Variants in ZAR1L observed in about 807,000 individuals in gnomAD.
The protein encoded by ZAR1L is protein ZAR1-like.
A neutral mutation model predicts 30.0 loss-of-function variants in ZAR1L; 16 were observed. The ratio of observed to expected loss-of-function variants is 0.53; its 90% confidence interval spans 0.36 to 0.81. ZAR1L has a LOEUF of 0.81. ZAR1L is among the 30% of genes least tolerant of loss of function. The pLI is 0.00. For synonymous variants in ZAR1L, 197 were observed against 166.8 expected (o/e 1.18, Z -1.40); for missense variants, 392 against 417.2 (o/e 0.94, Z 0.53).
intron 3 of ZAR1L, among the ~76,000 whole-genome samples, 171 bp from the exon 4 acceptor site, chr13:32,310,902 G>C (rs1254740672): frequency 6.6e-6 from 1 of 152,120 alleles, no homozygotes; most frequent in Non-Finnish European, 1.5e-5. Flanking sequence ...ATTACTCTGG[G>C]ATTCTTCTTG....
chr13:32,310,345 C>A (rs1400497334), intron 4 of ZAR1L, among the ~76,000 whole-genome samples: 21 of 152,226 alleles, frequency 1.4e-4, no homozygotes, highest in African/African-American at 4.8e-4. Context: ...CTGTTCCAAG[C>A]ATACCAACTA....
rs1593873398 is a variant in ZAR1L, at chr13:32,306,855, C to T, written c.822+1831G>A. On this transcript the variant is annotated intron_variant, in intron 5 of 5. Transcript: ENST00000533490. ...CTGAGGCAGGAGAATCACTTGAATC[C>T]AGGAGGTGGAGATTGCAGTGAGCCA... is the stretch of plus-strand genomic sequence containing the variant. Among the ~76,000 whole-genome samples the T allele has an allele frequency of 2.2e-5, 3 of 136,268 alleles. 1 individual carries two copies. The highest frequency in any genetic ancestry group is 8.4e-5 in the African/African-American group (3 of 35,816). 89.4% of individuals were successfully genotyped at this position (136,268 alleles called of 152,430 possible).
At chr13:32,308,558 T>C (rs987815293) in intron 5 of ZAR1L, 128 bp downstream of exon 5, 2 of 655,896 alleles carry the variant, frequency 3.0e-6, no homozygotes, top group Admixed American at 3.0e-5. Context: ...TGTTCTAAAA[T>C]GTAACATCTC....
chr13:32,304,848 G>T (rs554028327), intron 5 of ZAR1L, among the ~76,000 whole-genome samples: 2 of 140,028 alleles, frequency 1.4e-5, no homozygotes, highest in Non-Finnish European at 1.5e-5. Flanking sequence ...TCGCTCTGTC[G>T]CCCAGTCTGG....
intron 2 of ZAR1L, among the ~76,000 whole-genome samples, chr13:32,312,880 T>TCAAA (rs564744457): frequency 3.9e-4 from 59 of 151,906 alleles, no homozygotes; most frequent in East Asian, 1.8e-3. Context: ...AGACTCCGTC[T>TCAAA]CAAACAAACA....
At chr13:32,305,899 T>TCAAAAATAACCTCACAAAA (rs2072171198) in intron 5 of ZAR1L, among the ~76,000 whole-genome samples, 1 of 152,190 alleles carries the variant, frequency 6.6e-6, no homozygotes, top group Non-Finnish European at 1.5e-5. Context: ...CCAGGTACTG[T>TCAAAAATAACCTCACAAAA]ATGTGAGGAA....
At chr13:32,308,794 T>A in intron 4 of ZAR1L, 34 bp from the exon 5 acceptor site, 1 of 1,412,132 alleles carries the variant, frequency 7.1e-7, no homozygotes, top group East Asian at 2.5e-5. Flanking sequence ...TAATACAAGC[T>A]TTTATACACA....
rs959605740 is a variant in ZAR1L, at chr13:32,308,710, A to G, written c.798T>C (p.Tyr266=). The G allele has an allele frequency of 6.4e-7, 1 of 1,551,116 alleles. No homozygotes were observed. Among genetic ancestry groups the G allele is most frequent in the Non-Finnish European group, 8.7e-7 (1 of 1,146,756 alleles). ...CCTGACATTGGATTGCTTCTACTCG[A>G]TAAGGGTTAAAACTCTTTTGGCATT... ...CCKCQKSFNP[Y]RVEAIQCQTC... Residue 266 remains tyrosine (Y), a synonymous_variant, in exon 5 of 6, where the codon TAT becomes TAC. Coordinates refer to ENST00000533490, the MANE Select transcript of ZAR1L (RefSeq NM_001136571.2).
Position 32,310,559 on chromosome 13 carries a change from T to C in ZAR1L, c.747+80A>G, listed in dbSNP as rs557354381. ...CAAGACAGGACTATGACAGCCATGC[T>C]CCCTCAGGAATCAGATTCTTCCCCG... On this transcript the variant is annotated intron_variant, in intron 4 of 5. Transcript: ENST00000533490. 34 of 957,520 alleles carry C rather than the reference T, an allele frequency of 3.6e-5. No individual in the cohort carries two copies. The African/African-American group carries it at 5.1e-4, about 14-fold the overall frequency. 59.3% of individuals were successfully genotyped at this position (957,520 alleles called of 1,614,324 possible).
chr13:32,305,152 C>G (rs1043076106), intron 5 of ZAR1L, among the ~76,000 whole-genome samples: 1 of 151,942 alleles, frequency 6.6e-6, no homozygotes, highest in Admixed American at 6.6e-5. Context: ...CATTTTTATT[C>G]TGCTAAATGC....
intron 3 of ZAR1L, 149 bp downstream of exon 3, chr13:32,311,123 C>A: frequency 9.9e-7 from 1 of 1,007,266 alleles, no homozygotes; most frequent in East Asian, 2.6e-5. Context: ...ATACAGGCCA[C>A]GTGATATACA....
chr13:32,308,757 A>C lies in ZAR1L; in HGVS notation c.751T>G (p.Tyr251Asp). Residue 251 changes from tyrosine (Y) to aspartate (D), a missense_variant, in exon 5 of 6, where the codon TAT becomes GAT. Coordinates refer to ENST00000533490, the MANE Select transcript of ZAR1L (RefSeq NM_001136571.2). ...VWCISGTNKV[Y>D]FKQLCCKCQK... is the part of the protein sequence containing the mutation. The stretch of plus-strand genomic sequence containing the variant: ...CATTTACAACAGAGTTGTTTGAAAT[A>C]AACCTAAAGAGAAATATGTTTTTTT... 6.5e-7 allele frequency: 1 copy of C among 1,544,036 alleles called. No individual in the cohort carries two copies. Among genetic ancestry groups the C allele is most frequent in the Non-Finnish European group, 8.7e-7 (1 of 1,142,906 alleles).
chr13:32,307,804 A>G (rs1170332078), intron 5 of ZAR1L, among the ~76,000 whole-genome samples: 1 of 151,956 alleles, frequency 6.6e-6, no homozygotes, highest in East Asian at 1.9e-4. Context: ...CAATTAATTT[A>G]TTAATTAATT....
chr13:32,307,557 T>A (rs1286225152), intron 5 of ZAR1L, among the ~76,000 whole-genome samples: 1 of 103,238 alleles, frequency 9.7e-6, no homozygotes, highest in African/African-American at 3.9e-5. Context: ...CTTTGACAAG[T>A]CAGACAGTCA....
At chr13:32,308,653 C>T in intron 5 of ZAR1L, 33 bp downstream of exon 5, 2 of 1,492,686 alleles carry the variant, frequency 1.3e-6, no homozygotes, top group Non-Finnish European at 1.8e-6. Flanking sequence ...AGTAATGAAA[C>T]ATAGACACAA....
chr13:32,306,272 G>T (rs2072174086), intron 5 of ZAR1L, among the ~76,000 whole-genome samples: 1 of 152,142 alleles, frequency 6.6e-6, no homozygotes, highest in Non-Finnish European at 1.5e-5. Flanking sequence ...TGGTGCAAAG[G>T]TCTAGTATGA....
chr13:32,310,062 A>C (rs1356725333), intron 4 of ZAR1L, among the ~76,000 whole-genome samples: 1 of 152,274 alleles, frequency 6.6e-6, no homozygotes, highest in Non-Finnish European at 1.5e-5. Flanking sequence ...AAGGAAAAGA[A>C]GAGGAAGCCT....
chr13:32,313,092 G>C (rs568892294), intron 2 of ZAR1L, among the ~76,000 whole-genome samples: 1 of 152,298 alleles, frequency 6.6e-6, no homozygotes, highest in African/African-American at 2.4e-5. Flanking sequence ...GAGAGAGACT[G>C]GTCAGAGCCT....
rs555378716 is a variant in ZAR1L at position 32,311,285 on chromosome 13, C to T, written c.641G>A (p.Arg214Lys). 15 of 1,549,374 alleles carry T rather than the reference C, an allele frequency of 9.7e-6. No homozygotes were observed. The South Asian group carries it at 1.8e-4, about 18-fold the overall frequency. The change falls in exon 3 of 6, where the codon AGG (arginine) becomes AAG (lysine). Residue 214 changes from arginine to lysine, a missense_variant. Physicochemically the swap from Arg to Lys is conservative, Grantham distance 26. Transcript: ENST00000533490. ...PGDAASEPLR[R>K]PNFQFLEPKY... Reference sequence around the variant, plus strand: ...GAGAGGATCTACCTGGAAGTTGGGCCTCCGGAGCGGCTCGGAGGCGGCGTC... The same window carrying T: ...GAGAGGATCTACCTGGAAGTTGGGCTTCCGGAGCGGCTCGGAGGCGGCGTC...
Sources: allele counts gnomAD v4.1 joint callset (sites outside exome capture counted in the v4.1 genomes callset), GRCh38; gene constraint gnomAD v4.1.1; transcripts MANE v1.5; gene names NCBI Gene and HGNC (gene_info 2026-07-23, HGNC 2026-07-21).